Variants in MTHFD2L observed in about 807,000 individuals in gnomAD.
MTHFD2L encodes bifunctional methylenetetrahydrofolate dehydrogenase/cyclohydrolase 2, mitochondrial.
MTHFD2L carries 29 observed loss-of-function variants against 34.9 expected under a neutral mutation model. The observed-to-expected ratio is 0.83, with a 90% confidence interval of 0.62 to 1.13. The LOEUF (loss-of-function observed/expected upper bound fraction) is 1.13, where lower values mean the gene tolerates loss of function less well. Ranked by LOEUF, MTHFD2L falls within the 50% of genes most tolerant of loss-of-function variation. The pLI is 0.00. For missense variants in MTHFD2L, 481 were observed against 446.5 expected (o/e 1.08, Z -0.70); for synonymous variants, 167 against 155.7 (o/e 1.07, Z -0.54).
At chr4:74,160,793 T>C (rs1391420119) in intron 1 of MTHFD2L, 1 of 152,274 alleles carries the variant, frequency 6.6e-6, no homozygotes, top group Non-Finnish European at 1.5e-5. Flanking sequence ...CCCATTGCTT[T>C]TCAGTGTGAG....
chr4:74,202,922 A>T, intron 5 of MTHFD2L, among the ~76,000 whole-genome samples: 1 of 152,204 alleles, frequency 6.6e-6, no homozygotes, highest in South Asian at 2.1e-4. Flanking sequence ...TAGATTTCTT[A>T]TTATTAACCT....
At chr4:74,191,638 C>G (rs971817201) in intron 3 of MTHFD2L, among the ~76,000 whole-genome samples, 3 of 152,112 alleles carry the variant, frequency 2.0e-5, no homozygotes, top group Admixed American at 1.3e-4. Flanking sequence ...GCAACCTTCG[C>G]TTCCCGGGTT....
intron 3 of MTHFD2L, among the ~76,000 whole-genome samples, chr4:74,179,587 C>T (rs1358072881): frequency 6.6e-6 from 1 of 151,928 alleles, no homozygotes; most frequent in Non-Finnish European, 1.5e-5. Flanking sequence ...GATTTACTGA[C>T]CGTTACTTAA....
intron 3 of MTHFD2L, among the ~76,000 whole-genome samples, chr4:74,186,621 A>G (rs1171207273): frequency 6.6e-6 from 1 of 152,036 alleles, no homozygotes; most frequent in East Asian, 1.9e-4. Context: ...TAAATTTGAC[A>G]AAAGATGGGG....
intron 7 of MTHFD2L, among the ~76,000 whole-genome samples, chr4:74,289,620 G>A (rs1748632985): frequency 6.6e-6 from 1 of 152,178 alleles, no homozygotes; most frequent in African/African-American, 2.4e-5. Context: ...AGGTAAAGGT[G>A]TAAATAGGGA....
intron 6 of MTHFD2L, among the ~76,000 whole-genome samples, chr4:74,246,377 G>A (rs1386537971): frequency 9.1e-4 from 137 of 151,278 alleles, no homozygotes; most frequent in Middle Eastern, 3.4e-3. Flanking sequence ...TCTGGATATT[G>A]GCCCTTTGTC....
Position 74,301,909 on chromosome 4 carries a change from G to T in MTHFD2L, c.*100G>T. 1.8e-6 allele frequency: 1 copy of T among 554,736 alleles called. No individual in the cohort carries two copies. Among genetic ancestry groups the T allele is most frequent in the Non-Finnish European group, 3.0e-6 (1 of 338,486 alleles). The allele number at this position is 554,736 out of a possible 1,614,324, so 34.4% of individuals were successfully genotyped here. On this transcript the variant is annotated 3_prime_UTR_variant, in exon 8 of 8. Transcript: ENST00000325278. ...ACTACAAAGCTATTTATTTCTACAT[G>T]GTATTTATTTTTTCATGGGTGAAAT...
intron 6 of MTHFD2L, among the ~76,000 whole-genome samples, chr4:74,261,366 AT>A (rs972393156): frequency 6.7e-6 from 1 of 150,316 alleles, no homozygotes; most frequent in Admixed American, 6.6e-5. Context: ...AATAGAAAAT[AT>A]ATTCCACTCA....
At chr4:74,164,972 A>G in intron 1 of MTHFD2L, 2 of 985,402 alleles carry the variant, frequency 2.0e-6, no homozygotes, top group Non-Finnish European at 2.4e-6. Context: ...GACAGGGCAC[A>G]TCATGTAAAC....
At chr4:74,136,358 G>A (rs1295408239) in intron 1 of MTHFD2L, among the ~76,000 whole-genome samples, 1 of 151,870 alleles carries the variant, frequency 6.6e-6, no homozygotes, top group East Asian at 1.9e-4. Flanking sequence ...ATGAAGTCAA[G>A]AAGGCAATCT....
At chr4:74,139,280 G>A (rs1723141532) in intron 1 of MTHFD2L, among the ~76,000 whole-genome samples, 1 of 152,096 alleles carries the variant, frequency 6.6e-6, no homozygotes. Flanking sequence ...TGGCTAGTGG[G>A]GATTCATAAG....
chr4:74,119,633 A>G (rs1005052510), upstream of MTHFD2L, among the ~76,000 whole-genome samples: 1 of 152,136 alleles, frequency 6.6e-6, no homozygotes, highest in Non-Finnish European at 1.5e-5. Context: ...AATACAAAAA[A>G]TTAGCCGGGC....
intron 7 of MTHFD2L, among the ~76,000 whole-genome samples, chr4:74,293,990 A>G (rs1749321424): frequency 6.6e-6 from 1 of 152,102 alleles, no homozygotes; most frequent in South Asian, 2.1e-4. Context: ...GCCACAGATA[A>G]GGAATCATCC....
intron 7 of MTHFD2L, among the ~76,000 whole-genome samples, chr4:74,290,070 A>G (rs1437514141): frequency 6.6e-6 from 1 of 152,132 alleles, no homozygotes; most frequent in East Asian, 1.9e-4. Flanking sequence ...ACAATTGTGA[A>G]TTTTCCCCAA....
intron 6 of MTHFD2L, among the ~76,000 whole-genome samples, chr4:74,251,699 T>C (rs1162554399): frequency 2.0e-5 from 3 of 152,302 alleles, no homozygotes; most frequent in African/African-American, 7.2e-5. Flanking sequence ...TTGTGCTTGA[T>C]TTCCTCCATA....
intron 7 of MTHFD2L, among the ~76,000 whole-genome samples, chr4:74,285,097 A>G (rs573385504): frequency 3.2e-4 from 49 of 152,132 alleles, no homozygotes; most frequent in Non-Finnish European, 6.0e-4. Context: ...AGGACAAAAA[A>G]CCAAACACTG....
chr4:74,203,964 G>C (rs753294433), intron 5 of MTHFD2L, among the ~76,000 whole-genome samples: 1 of 151,182 alleles, frequency 6.6e-6, no homozygotes, highest in Non-Finnish European at 1.5e-5. Context: ...GTATTGCTCC[G>C]TGATTTGCTC....
chr4:74,159,735 G>T (rs1427865039), intron 1 of MTHFD2L, among the ~76,000 whole-genome samples: 2 of 152,226 alleles, frequency 1.3e-5, no homozygotes, highest in Non-Finnish European at 2.9e-5. Flanking sequence ...ATTTAAAATA[G>T]TTGAGTGCAA....
intron 6 of MTHFD2L, among the ~76,000 whole-genome samples, chr4:74,262,799 A>G (rs1744840330): frequency 6.6e-6 from 1 of 152,066 alleles, no homozygotes; most frequent in South Asian, 2.1e-4. Context: ...TAGTCCCTCT[A>G]GAAGGTAATT....
Sources: allele counts gnomAD v4.1 joint callset (sites outside exome capture counted in the v4.1 genomes callset), GRCh38; gene constraint gnomAD v4.1.1; transcripts MANE v1.5; gene names NCBI Gene and HGNC (gene_info 2026-07-23, HGNC 2026-07-21).